GNB2: variants seen among roughly 807,000 people sequenced by gnomAD.
The protein encoded by GNB2 is guanine nucleotide-binding protein G(I)/G(S)/G(T) subunit beta-2.
In GNB2, 7 loss-of-function variants were observed where a neutral mutation model predicts 40.7. The observed-to-expected ratio is 0.17, with a 90% CI of 0.10 to 0.32. The LOEUF (loss-of-function observed/expected upper bound fraction) is 0.32, where lower values mean the gene tolerates loss of function less well. GNB2 is among the 10% of genes least tolerant of loss of function. GNB2 has a pLI of 1.00. For synonymous variants in GNB2, 254 were observed against 191.2 expected, an observed-to-expected ratio of 1.33 and a Z score of -2.71; for missense variants, 286 against 473.0, an observed-to-expected ratio of 0.60 and a Z score of 3.67.
intron 1 of GNB2, among the ~76,000 whole-genome samples, chr7:100,674,698 G>A (rs890573875): frequency 1.3e-5 from 2 of 152,152 alleles, no homozygotes; most frequent in African/African-American, 4.8e-5. Flanking sequence ...ATGGAGCGCC[G>A]GCTGCTATAT....
chr7:100,676,762 G>A lies in GNB2; in HGVS notation c.166G>A (p.Ala56Thr). The change falls in exon 4 of 10, where the codon GCA becomes ACA. Residue 56 changes from alanine to threonine, a missense_variant. Coordinates refer to ENST00000303210, the MANE Select transcript of GNB2 (RefSeq NM_005273.4). ...RTRRTLRGHLAKIYAMHWGTD... is the reference protein window; with the variant it reads ...RTRRTLRGHLTKIYAMHWGTD... ...CCGGAGGACCCTCCGTGGGCACCTG[G>A]CAAAGATCTATGCCATGCACTGGGG... The A allele has an allele frequency of 6.2e-7, 1 of 1,601,062 alleles. No homozygotes were observed. The highest frequency in any genetic ancestry group is 1.1e-5 in the South Asian group (1 of 89,734).
rs113456712 is a variant in GNB2, at chr7:100,676,705, C to T, written c.109C>T (p.Leu37=). 5.0e-6 allele frequency: 8 copies of T among 1,611,130 alleles called. No homozygotes were observed. In the South Asian group the frequency reaches 7.7e-5, roughly 15 times the overall value. Reference sequence around the variant, plus strand: ...TCTCTACCTCCAGATCACAGCTGGGCTGGACCCAGTGGGGAGAATCCAGAT... The same window carrying T: ...TCTCTACCTCCAGATCACAGCTGGGTTGGACCCAGTGGGGAGAATCCAGAT... ...DSTLTQITAG[L]DPVGRIQMRT... is the part of the protein sequence containing the mutation. Residue 37 remains leucine (L), a synonymous_variant, in exon 4 of 10, where the codon CTG becomes TTG. Coordinates refer to ENST00000303210, the MANE Select transcript of GNB2 (RefSeq NM_005273.4).
In GNB2 at chr7:100,678,867, C is replaced by A; in HGVS notation, c.*66C>A. 7.9e-7 allele frequency: 1 copy of A among 1,258,614 alleles called. No individual in the cohort carries two copies. Among genetic ancestry groups the A allele is most frequent in the Non-Finnish European group, 1.1e-6 (1 of 871,840 alleles). 78.0% of individuals were successfully genotyped at this position (1,258,614 alleles called of 1,614,324 possible). On this transcript the variant is annotated 3_prime_UTR_variant, in exon 10 of 10. Coordinates refer to ENST00000303210, the MANE Select transcript of GNB2 (RefSeq NM_005273.4). Reference sequence around the variant, plus strand: ...CCCATGCCCACACTACAGGCCAGGGCTGCGGGGCTGGCGCAATCCCAGCCC... The same window carrying A: ...CCCATGCCCACACTACAGGCCAGGGATGCGGGGCTGGCGCAATCCCAGCCC...
intron 4 of GNB2, 29 bp downstream of exon 4, chr7:100,676,828 T>C (rs1289905807): frequency 1.5e-6 from 2 of 1,329,768 alleles, no homozygotes; most frequent in Non-Finnish European, 2.1e-6. Flanking sequence ...GCTGGCGCTG[T>C]GGGCCGACTT....
At chr7:100,675,012 C>T (rs1258017427) in intron 1 of GNB2, among the ~76,000 whole-genome samples, 3 of 152,088 alleles carry the variant, frequency 2.0e-5, no homozygotes, top group Non-Finnish European at 2.9e-5. Context: ...GAACGCCCTG[C>T]GCCTGGGGGA....
At position 100,677,422 on chromosome 7, in the gene GNB2, T is replaced by TGGCGCGGGCTGCGGGGTGGGGC; in HGVS notation, c.267+8_267+29dup. 6.2e-7 allele frequency: 1 copy of TGGCGCGGGCTGCGGGGTGGGGC among 1,613,478 alleles called. No individual in the cohort carries two copies. The highest frequency in any genetic ancestry group is 8.5e-7 in the Non-Finnish European group (1 of 1,179,804). On this transcript the variant is annotated splice_region_variant and intron_variant, in intron 5 of 9. Coordinates refer to ENST00000303210, the MANE Select transcript of GNB2 (RefSeq NM_005273.4). The stretch of plus-strand genomic sequence containing the variant: ...CAGCTACACCACCAACAAGGTAGGG[T>TGGCGCGGGCTGCGGGGTGGGGC]GGCGCGGGCTGCGGGGTGGGGCAGG...
chr7:100,678,022 T>G, intron 7 of GNB2, 76 bp from the exon 8 acceptor site: 2 of 1,285,556 alleles, frequency 1.6e-6, no homozygotes, highest in Non-Finnish European at 2.3e-6. Flanking sequence ...TGGGCTCACG[T>G]GGTGGGGCGG....
At chr7:100,674,469 C>T (rs990930007) in intron 1 of GNB2, among the ~76,000 whole-genome samples, 1 of 152,248 alleles carries the variant, frequency 6.6e-6, no homozygotes, top group East Asian at 1.9e-4. Context: ...CGCCCTATTC[C>T]CTTTACAGAT....
Position 100,676,235 on chromosome 7 carries a change from G to GC in GNB2, c.-26dup. The GC allele has an allele frequency of 7.2e-7, 1 of 1,383,408 alleles. No individual in the cohort carries two copies. The highest frequency in any genetic ancestry group is 1.0e-6 in the Non-Finnish European group (1 of 995,056). The allele number at this position is 1,383,408 out of a possible 1,614,324, so 85.7% of individuals were successfully genotyped here. A position where few individuals can be genotyped will look rare whatever the true frequency, so the allele number is the denominator to read the frequency against. ...AGCCCCCGTCCCGCGGCCCCCAGCC[G>GC]CCCCCAACCCTGCCCCACGGGCCCG... is the stretch of plus-strand genomic sequence containing the variant. On this transcript the variant is annotated 5_prime_UTR_variant, in exon 2 of 10. Transcript: ENST00000303210.
chr7:100,677,983 A>G, intron 7 of GNB2, 115 bp from the exon 8 acceptor site: 1 of 1,047,782 alleles, frequency 9.5e-7, no homozygotes. Flanking sequence ...AGGCTCTGAG[A>G]AGAGCCTCCC....
At chr7:100,678,042 G>A (rs993199714) in intron 7 of GNB2, 56 bp from the exon 8 acceptor site, 69 of 1,405,542 alleles carry the variant, frequency 4.9e-5, no homozygotes, top group South Asian at 2.4e-4. Context: ...GGGAGAACAG[G>A]GACTCTGTTC....
Position 100,678,631 on chromosome 7 carries a change from A to G in GNB2, c.916+17A>G, listed in dbSNP as rs1314553007. 4 of 1,610,216 alleles carry G rather than the reference A, an allele frequency of 2.5e-6. No individual in the cohort carries two copies. In the African/African-American group the frequency reaches 5.3e-5, roughly 21 times the overall value. ...ACCGTGCAGGTGACAGCTGGGGCCC[A>G]GGCTGGGTGGGCAGGGACCTGGAGC... On this transcript the variant is annotated intron_variant, in intron 9 of 9. Transcript: ENST00000303210.
Position 100,678,702 on chromosome 7 carries a change from C to T in GNB2, c.924C>T (p.Leu308=), listed in dbSNP as rs141107078. 39 of 1,613,168 alleles carry T rather than the reference C, an allele frequency of 2.4e-5. No homozygotes were observed. Among genetic ancestry groups the T allele is most frequent in the East Asian group, 4.5e-5 (2 of 44,896 alleles). The change falls in exon 10 of 10, where the codon CTC becomes CTT. Residue 308 remains leucine (L), a synonymous_variant. Transcript: ENST00000303210. ...DAMKGDRAGV[L]AGHDNRVSCL... is the part of the protein sequence containing the mutation. ...CTTCTCTCTTCTTCACAGGAGTCCT[C>T]GCTGGCCACGACAACCGCGTGAGCT...
At chr7:100,677,141 G>A in intron 4 of GNB2, 1 of 601,034 alleles carries the variant, frequency 1.7e-6, no homozygotes, top group South Asian at 2.0e-5. Context: ...GGGTGTGGTG[G>A]TGCTCACCTT....
Position 100,677,547 on chromosome 7 carries a change from C to T in GNB2, c.317C>T (p.Ala106Val). Residue 106 changes from alanine (A) to valine (V), a missense_variant, in exon 6 of 10, where the codon GCG becomes GTG. By Grantham distance (64) the Ala-to-Val change is moderately conservative. Transcript: ENST00000303210. ...RSSWVMTCAY[A>V]PSGNFVACGG... is the part of the protein sequence containing the mutation. ...TCCTGGGTAATGACCTGTGCCTACG[C>T]GCCCTCAGGGAACTTTGTGGCCTGT... The T allele has an allele frequency of 6.2e-7, 1 of 1,613,506 alleles. No homozygotes were observed. Among genetic ancestry groups the T allele is most frequent in the Non-Finnish European group, 8.5e-7 (1 of 1,179,988 alleles).
intron 4 of GNB2, chr7:100,677,110 C>T (rs970142355): frequency 1.6e-4 from 98 of 594,452 alleles, no homozygotes; most frequent in Non-Finnish European, 4.5e-5. Flanking sequence ...CCTGGCTCTA[C>T]TAAAAATTGA....
Position 100,677,548 on chromosome 7 carries a change from G to A in GNB2, c.318G>A (p.Ala106=), listed in dbSNP as rs371840778. 80 of 1,613,480 alleles carry A rather than the reference G, an allele frequency of 5.0e-5. No homozygotes were observed. The South Asian group carries it at 6.9e-4, about 14-fold the overall frequency. ...RSSWVMTCAY[A]PSGNFVACGG... The stretch of plus-strand genomic sequence containing the variant: ...CCTGGGTAATGACCTGTGCCTACGC[G>A]CCCTCAGGGAACTTTGTGGCCTGTG... Residue 106 remains alanine (A), a synonymous_variant, in exon 6 of 10, where the codon GCG becomes GCA. Coordinates refer to ENST00000303210, the MANE Select transcript of GNB2 (RefSeq NM_005273.4).
chr7:100,676,788 G>A lies in GNB2; in HGVS notation c.192G>A (p.Gly64=), dbSNP rs1216872906. ...HLAKIYAMHW[G]TDSRLLVSAS... ...CAAAGATCTATGCCATGCACTGGGGGACCGACTCAAGGTGTGTGTGTGTGC... is the reference window on the plus strand; with the variant it reads ...CAAAGATCTATGCCATGCACTGGGGAACCGACTCAAGGTGTGTGTGTGTGC... The change falls in exon 4 of 10, where the codon GGG becomes GGA. Residue 64 remains glycine (G), a synonymous_variant. Coordinates refer to ENST00000303210, the MANE Select transcript of GNB2 (RefSeq NM_005273.4). 3.2e-6 allele frequency: 5 copies of A among 1,579,760 alleles called. No individual in the cohort carries two copies. Among genetic ancestry groups the A allele is most frequent in the Non-Finnish European group, 4.3e-6 (5 of 1,161,214 alleles).
intron 4 of GNB2, chr7:100,677,142 TG>T (rs1017560412): frequency 1.7e-5 from 10 of 600,544 alleles, no homozygotes. Flanking sequence ...GGTGTGGTGG[TG>T]CTCACCTTGT....
Sources: gnomAD v4.1 joint callset for allele counts (sites outside exome capture counted in the v4.1 genomes callset) on GRCh38, gnomAD v4.1.1 for gene constraint, MANE v1.5 for transcripts, NCBI Gene and HGNC (gene_info 2026-07-23, HGNC 2026-07-21) for gene names.